The following PTER variants were observed in gnomAD, a reference collection of about 807,000 sequenced individuals.
PTER encodes the protein phosphotriesterase related.
PTER carries 38 observed loss-of-function variants against 29.6 expected under a neutral mutation model. That is an observed-to-expected ratio of 1.28 (90% CI 0.99 to 1.68). The LOEUF (loss-of-function observed/expected upper bound fraction) is 1.68. Ranked by LOEUF, PTER falls within the 40% of genes most tolerant of loss-of-function variation. The pLI, the probability that PTER is intolerant of heterozygous loss-of-function variation, is 0.00. For synonymous variants in PTER, 172 were observed against 154.5 expected, an observed-to-expected ratio of 1.11 and a Z score of -0.84; for missense variants, 482 against 427.8, an observed-to-expected ratio of 1.13 and a Z score of -1.12.
intron 1 of PTER, among the ~76,000 whole-genome samples, chr10:16,446,880 C>T (rs1834032961): frequency 6.6e-6 from 1 of 152,028 alleles, no homozygotes; most frequent in East Asian, 1.9e-4. Context: ...CCTCTGCCTC[C>T]TGGGTTCAAG....
At chr10:16,485,733 G>T (rs1835669615) in intron 2 of PTER, among the ~76,000 whole-genome samples, 1 of 152,126 alleles carries the variant, frequency 6.6e-6, no homozygotes, top group Non-Finnish European at 1.5e-5. Context: ...TCTAATAGTA[G>T]TATAGTGTGC....
At chr10:16,486,766 A>G in intron 3 of PTER, 149 bp downstream of exon 3, 1 of 922,708 alleles carries the variant, frequency 1.1e-6, no homozygotes, top group Non-Finnish European at 1.6e-6. Flanking sequence ...AAGTTTCACA[A>G]CTGACATGAA....
chr10:16,477,846 A>G (rs1167702798), intron 1 of PTER, among the ~76,000 whole-genome samples: 1 of 152,184 alleles, frequency 6.6e-6, no homozygotes, highest in East Asian at 1.9e-4. Context: ...AAGTAATACA[A>G]ATTTTAAGTG....
chr10:16,514,343 G>A (rs1007788137), downstream of PTER: 2 of 593,234 alleles, frequency 3.4e-6, no homozygotes, highest in Non-Finnish European at 6.0e-6. Flanking sequence ...TGCTTATCTT[G>A]CTTTGATATT....
At chr10:16,481,558 G>A (rs1038810084) in intron 1 of PTER, among the ~76,000 whole-genome samples, 1 of 152,310 alleles carries the variant, frequency 6.6e-6, no homozygotes, top group South Asian at 2.1e-4. Flanking sequence ...TTTGAGTGGA[G>A]GTTACATTGT....
chr10:16,458,661 C>T (rs74127521), intron 1 of PTER, among the ~76,000 whole-genome samples: 8 of 152,246 alleles, frequency 5.3e-5, no homozygotes, highest in South Asian at 2.1e-4. Flanking sequence ...GAGTGCATGG[C>T]GAGTGTAAGC....
At chr10:16,438,355 G>A (rs1417994933) in intron 1 of PTER, among the ~76,000 whole-genome samples, 1 of 151,840 alleles carries the variant, frequency 6.6e-6, no homozygotes, top group African/African-American at 2.4e-5. Context: ...GGAGTGCAGT[G>A]GTGCTATCAC....
At position 16,454,120 on chromosome 10, in the gene PTER, A is replaced by G. The variant is rs191847572; in HGVS notation, c.-49+17073A>G. On this transcript the variant is annotated intron_variant, in intron 1 of 4. Coordinates refer to ENST00000535784, the MANE Select transcript of PTER (RefSeq NM_001261836.2). ...TGTCTATTTTTTTGTGAGGGAGACA[A>G]TTTTTTGGAGTACAGTGAAATAGCA... 1.1e-4 allele frequency among the ~76,000 whole-genome samples: 16 copies of G among 152,276 alleles called. No individual in the cohort carries two copies. In the East Asian group the frequency reaches 2.9e-3, roughly 28 times the overall value.
chr10:16,485,818 G>T (rs1835672293), intron 2 of PTER, among the ~76,000 whole-genome samples: 1 of 152,086 alleles, frequency 6.6e-6, no homozygotes, highest in South Asian at 2.1e-4. Context: ...TTGATGCCTT[G>T]TGCGGTGATG....
chr10:16,509,029 T>C (rs1351758177), intron 4 of PTER, among the ~76,000 whole-genome samples: 1 of 152,250 alleles, frequency 6.6e-6, no homozygotes, highest in African/African-American at 2.4e-5. Context: ...TCAAATCTTA[T>C]TATATCTCTG....
chr10:16,458,823 C>T (rs907189123), intron 1 of PTER, among the ~76,000 whole-genome samples: 1 of 152,114 alleles, frequency 6.6e-6, no homozygotes, highest in Non-Finnish European at 1.5e-5. Flanking sequence ...AGCGTGAGTC[C>T]AATTTCCATT....
At chr10:16,476,355 C>T (rs1033836844) in intron 1 of PTER, among the ~76,000 whole-genome samples, 6 of 152,180 alleles carry the variant, frequency 3.9e-5, no homozygotes, top group Admixed American at 1.3e-4. Flanking sequence ...GCTGGGATTA[C>T]AGGCCTGAGC....
intron 1 of PTER, among the ~76,000 whole-genome samples, chr10:16,438,614 G>A (rs1378315313): frequency 1.3e-5 from 2 of 150,008 alleles, no homozygotes; most frequent in African/African-American, 4.9e-5. Flanking sequence ...TGGCCTGCCT[G>A]TTTTCTAGAC....
chr10:16,516,119 G>T (rs117891569), downstream of PTER, among the ~76,000 whole-genome samples: 1 of 152,108 alleles, frequency 6.6e-6, no homozygotes, highest in African/African-American at 2.4e-5. Flanking sequence ...GTCTTTCTGG[G>T]TATCACATAG....
chr10:16,439,662 A>T (rs1017970387), intron 1 of PTER, among the ~76,000 whole-genome samples: 2 of 152,262 alleles, frequency 1.3e-5, no homozygotes, highest in African/African-American at 4.8e-5. Flanking sequence ...ACATACATAC[A>T]TACAGGACCC....
intron 3 of PTER, among the ~76,000 whole-genome samples, chr10:16,490,350 C>T (rs1323979495): frequency 1.3e-5 from 2 of 152,050 alleles, no homozygotes; most frequent in Admixed American, 1.3e-4. Context: ...CATCTGTAAT[C>T]TCCAAAAACT....
intron 1 of PTER, among the ~76,000 whole-genome samples, chr10:16,452,344 T>C (rs1834244026): frequency 1.3e-5 from 2 of 151,464 alleles, no homozygotes; most frequent in Admixed American, 6.6e-5. Flanking sequence ...TCACCCAGGC[T>C]GGAGTGCAGT....
At position 16,476,901 on chromosome 10, in the gene PTER, C is replaced by CTCTCTCTCTTTTTTTTTTTT; in HGVS notation, c.-48-7435_-48-7434insCTCTCTCTTTTTTTTTTTTT. 7.2e-4 allele frequency among the ~76,000 whole-genome samples: 72 copies of CTCTCTCTCTTTTTTTTTTTT among 100,368 alleles called. 5 individuals carry two copies. Among genetic ancestry groups the CTCTCTCTCTTTTTTTTTTTT allele is most frequent in the African/African-American group, 3.1e-3 (70 of 22,354 alleles). 65.8% of individuals were successfully genotyped at this position (100,368 alleles called of 152,430 possible). A position where few individuals can be genotyped will look rare whatever the true frequency, so the allele number is the denominator to read the frequency against. On this transcript the variant is annotated intron_variant, in intron 1 of 4. Coordinates refer to ENST00000535784, the MANE Select transcript of PTER (RefSeq NM_001261836.2). ...CAAACCACCCCTCCATCCTAGAATTCTTTTTTTTTTTTTTTTTTTTTTGAG... is the reference window on the plus strand; with the variant it reads ...CAAACCACCCCTCCATCCTAGAATTCTCTCTCTCTTTTTTTTTTTTTTTTTTTTTTTTTTTTTTTTTTGAG...
Position 16,505,727 on chromosome 10 carries a change from G to A in PTER, c.839+567G>A, listed in dbSNP as rs149675583. 2.0e-3 allele frequency among the ~76,000 whole-genome samples: 302 copies of A among 152,302 alleles called. 1 individual carries two copies. Among genetic ancestry groups the A allele is most frequent in the African/African-American group, 6.7e-3 (279 of 41,552 alleles). On this transcript the variant is annotated intron_variant, in intron 4 of 4. Coordinates refer to ENST00000535784, the MANE Select transcript of PTER (RefSeq NM_001261836.2). ...TGTAATCAAGTAGAAAATTTTAGGC[G>A]TCAATGATAGCTACCTAGTTTGGTC...
Sources: gnomAD v4.1 joint callset for allele counts (sites outside exome capture counted in the v4.1 genomes callset) on GRCh38, gnomAD v4.1.1 for gene constraint, MANE v1.5 for transcripts, NCBI Gene and HGNC (gene_info 2026-07-23, HGNC 2026-07-21) for gene names.